The following FNBP1 variants were observed in gnomAD, a reference collection of about 807,000 sequenced individuals.
FNBP1 encodes the protein formin-binding protein 1.
A neutral mutation model predicts 90.6 loss-of-function variants in FNBP1; 26 were observed. That is an observed-to-expected ratio of 0.29 (90% CI 0.21 to 0.40). The LOEUF (loss-of-function observed/expected upper bound fraction) is 0.40. FNBP1 is among the 10% of genes least tolerant of loss of function. The pLI is 1.00. For synonymous variants in FNBP1, 260 were observed against 265.2 expected (o/e 0.98, Z 0.19); for missense variants, 635 against 768.0 (o/e 0.83, Z 2.05).
rs757458862 is a variant in FNBP1, at chr9:129,899,991, G to A, written c.1661C>T (p.Thr554Met). The change falls in exon 15 of 17, where the codon ACG (threonine) becomes ATG (methionine). Residue 554 changes from threonine (T) to methionine (M), a missense_variant. Thr to Met is a moderately conservative substitution (Grantham distance 81). Transcript: ENST00000446176. ...DDEEPLPAIG[T>M]CKALYTFEGQ... is the part of the protein sequence containing the mutation. Reference sequence around the variant, plus strand: ...TTCAAATGTGTAGAGAGCTTTGCACGTCCCTATGGCAGGGAGGGGCTCCTC... The same window carrying A: ...TTCAAATGTGTAGAGAGCTTTGCACATCCCTATGGCAGGGAGGGGCTCCTC... 200 of 1,611,644 alleles carry A rather than the reference G, an allele frequency of 1.2e-4. No individual in the cohort carries two copies. The highest frequency in any genetic ancestry group is 1.6e-4 in the Non-Finnish European group (193 of 1,178,922).
At chr9:129,992,549 C>CTT (rs11455680) in intron 2 of FNBP1, among the ~76,000 whole-genome samples, 2,605 of 92,492 alleles carry the variant, frequency 0.028, 164 homozygotes, top group African/African-American at 0.047. Flanking sequence ...ACACATAGCT[C>CTT]TTTTTTTTTT....
chr9:130,004,165 A>G (rs1322627876), intron 1 of FNBP1, among the ~76,000 whole-genome samples: 1 of 151,896 alleles, frequency 6.6e-6, no homozygotes, highest in Non-Finnish European at 1.5e-5. Context: ...CTGGAGGCTG[A>G]GGCAGGAGAA....
chr9:130,002,503 C>T (rs569485880), intron 1 of FNBP1, among the ~76,000 whole-genome samples: 6 of 152,094 alleles, frequency 3.9e-5, no homozygotes, highest in Non-Finnish European at 8.8e-5. Context: ...TTAGAAAGAG[C>T]CCAGCACCTC....
At chr9:130,038,303 A>C (rs554851850) in intron 1 of FNBP1, among the ~76,000 whole-genome samples, 4 of 144,336 alleles carry the variant, frequency 2.8e-5, no homozygotes, top group African/African-American at 1.0e-4. Flanking sequence ...TGCAGTGAGC[A>C]GAGATCGTGC....
At chr9:129,923,695 A>T in intron 10 of FNBP1, 149 bp downstream of exon 10, 1 of 876,412 alleles carries the variant, frequency 1.1e-6, no homozygotes, top group Non-Finnish European at 1.6e-6. Context: ...TTTTCTTTCT[A>T]GCTATAATGG....
Position 129,890,351 on chromosome 9 carries a change from G to A in FNBP1, c.*188C>T, listed in dbSNP as rs149605597. ...GGCGCTGGCGAGACTTGTCCCCCACGAGGTGGCCCGGGCTGGGCGGGAGGG... is the reference window on the plus strand; with the variant it reads ...GGCGCTGGCGAGACTTGTCCCCCACAAGGTGGCCCGGGCTGGGCGGGAGGG... On this transcript the variant is annotated 3_prime_UTR_variant, in exon 17 of 17. Transcript: ENST00000446176. The surrounding 1 kb of genome is among the most constrained non-coding windows in gnomAD (Gnocchi z 5.8). 13,089 of 606,842 alleles carry A rather than the reference G, an allele frequency of 0.022. 315 individuals are homozygous for A. The highest frequency in any genetic ancestry group is 0.068 in the South Asian group (3,368 of 49,652). 37.6% of individuals were successfully genotyped at this position (606,842 alleles called of 1,614,324 possible).
chr9:130,003,684 G>A (rs1438043289), intron 1 of FNBP1, among the ~76,000 whole-genome samples: 1 of 151,680 alleles, frequency 6.6e-6, no homozygotes, highest in African/African-American at 2.4e-5. Flanking sequence ...AGCACTTTGG[G>A]AGGCCGAGAA....
At chr9:129,955,120 A>T (rs2046728770) in intron 6 of FNBP1, among the ~76,000 whole-genome samples, 1 of 152,228 alleles carries the variant, frequency 6.6e-6, no homozygotes, top group Non-Finnish European at 1.5e-5. Flanking sequence ...GAGTTAAGAT[A>T]AGAAAAAATT....
At chr9:129,920,871 T>G (rs1199382991) in intron 10 of FNBP1, among the ~76,000 whole-genome samples, 1 of 152,122 alleles carries the variant, frequency 6.6e-6, no homozygotes, top group Admixed American at 6.6e-5. Context: ...TAACTGACAG[T>G]TCATATGAAA....
rs143139920 is a variant in FNBP1 at position 129,923,351 on chromosome 9, C to T, written c.1170+493G>A. On this transcript the variant is annotated intron_variant, in intron 10 of 16. Transcript: ENST00000446176. Reference sequence around the variant, plus strand: ...ATCCCAGCACTTTGTAAGGCCGAGGCGGGCGGATCACAAGGTCAAGAGATC... The same window carrying T: ...ATCCCAGCACTTTGTAAGGCCGAGGTGGGCGGATCACAAGGTCAAGAGATC... 9.6e-3 allele frequency among the ~76,000 whole-genome samples: 1,460 copies of T among 152,048 alleles called. 19 individuals are homozygous for T. Among genetic ancestry groups the T allele is most frequent in the African/African-American group, 0.029 (1,221 of 41,470 alleles).
At chr9:129,953,494 A>AAAATAAAT (rs553611368) in intron 6 of FNBP1, among the ~76,000 whole-genome samples, 10 of 151,936 alleles carry the variant, frequency 6.6e-5, no homozygotes, top group Admixed American at 6.6e-5. Flanking sequence ...CGTCTCAGAA[A>AAAATAAAT]AAATAAATAA....
chr9:130,052,213 AAAG>A, the FNBP1 span, among the ~76,000 whole-genome samples: 3 of 152,140 alleles, frequency 2.0e-5, no homozygotes, highest in Admixed American at 6.5e-5. Context: ...CAAATATGTG[AAAG>A]AAGAAGATAT....
At chr9:129,924,130 C>G (rs946060979) in intron 9 of FNBP1, 104 bp from the exon 10 acceptor site, 5 of 1,184,262 alleles carry the variant, frequency 4.2e-6, no homozygotes. Context: ...GCAAGTAAAA[C>G]ACAAACAATT....
intron 6 of FNBP1, among the ~76,000 whole-genome samples, chr9:129,931,332 G>C (rs923332691): frequency 6.6e-6 from 1 of 152,044 alleles, no homozygotes; most frequent in Admixed American, 6.6e-5. Context: ...GGCTGGGCGC[G>C]GTGGCTCACG....
intron 4 of FNBP1, among the ~76,000 whole-genome samples, chr9:129,967,635 T>C (rs933331291): frequency 6.6e-6 from 1 of 152,180 alleles, no homozygotes; most frequent in Admixed American, 6.6e-5. Flanking sequence ...ATGGTGATGC[T>C]GTATTAGGCA....
At chr9:129,893,503 C>A (rs1278389752) in intron 16 of FNBP1, among the ~76,000 whole-genome samples, 1 of 147,688 alleles carries the variant, frequency 6.8e-6, no homozygotes, top group African/African-American at 2.5e-5. Context: ...ATCCCAGCTA[C>A]TGGGGAGGCT....
At chr9:129,949,657 C>T (rs2045868904) in intron 6 of FNBP1, among the ~76,000 whole-genome samples, 1 of 151,674 alleles carries the variant, frequency 6.6e-6, no homozygotes, top group South Asian at 2.1e-4. Context: ...GCCCAAGAGT[C>T]TGAGACCTGC....
chr9:129,978,498 G>A lies in FNBP1; in HGVS notation c.312C>T (p.Arg104=), dbSNP rs2050697059. Residue 104 remains arginine, a synonymous_variant, in exon 4 of 17, where the codon CGC becomes CGT. Coordinates refer to ENST00000446176, the MANE Select transcript of FNBP1 (RefSeq NM_015033.3). ...MASQIIVDLA[R]YVQELKQERK... ...TCTCCTGTTTCAGTTCCTGAACATA[G>A]CGTGCCAAGTCCACAATGATCTGTG... 1 of 1,613,578 alleles carries A rather than the reference G, an allele frequency of 6.2e-7. No individual in the cohort carries two copies. The highest frequency in any genetic ancestry group is 8.5e-7 in the Non-Finnish European group (1 of 1,179,692).
At chr9:130,015,793 G>T (rs1489106428) in intron 1 of FNBP1, among the ~76,000 whole-genome samples, 1 of 152,140 alleles carries the variant, frequency 6.6e-6, no homozygotes, top group East Asian at 1.9e-4. Context: ...TCCCACCTCA[G>T]CCTCCTGAGT....
Sources: allele counts gnomAD v4.1 joint callset (sites outside exome capture counted in the v4.1 genomes callset), GRCh38; gene constraint gnomAD v4.1.1; non-coding constraint Gnocchi (gnomAD v3.1); transcripts MANE v1.5; gene names NCBI Gene and HGNC (gene_info 2026-07-23, HGNC 2026-07-21).